PTPRS: variants seen among roughly 807,000 people sequenced by gnomAD.
The protein encoded by PTPRS is protein tyrosine phosphatase receptor type S.
PTPRS carries 63 observed loss-of-function variants against 215.3 expected under a neutral mutation model. The observed-to-expected ratio is 0.29, with a 90% CI of 0.24 to 0.36. The LOEUF is 0.36. Ranked by LOEUF, PTPRS falls within the 10% of genes least tolerant of loss-of-function variation. The probability of loss-of-function intolerance (pLI) is 1.00; values close to 1 mark genes in which losing one functional copy is unlikely to be tolerated. For synonymous variants in PTPRS, 1,404 were observed against 1,191.4 expected (o/e 1.18, Z -3.68); for missense variants, 2,258 against 2,825.8 (o/e 0.80, Z 4.56).
chr19:5,245,715 T>C (rs2044423996), intron 10 of PTPRS, 61 bp downstream of exon 10: 1 of 1,503,212 alleles, frequency 6.7e-7, no homozygotes, highest in Admixed American at 2.1e-5. Flanking sequence ...CACCTGTGCC[T>C]GAAGTCGGGG....
In PTPRS at chr19:5,265,029, G is replaced by A. The variant is rs770043743; in HGVS notation, c.547C>T (p.Arg183Cys). 1 of 1,614,054 alleles carries A rather than the reference G, an allele frequency of 6.2e-7. No homozygotes were observed. Among genetic ancestry groups the A allele is most frequent in the Non-Finnish European group, 8.5e-7 (1 of 1,179,980 alleles). The stretch of plus-strand genomic sequence containing the variant: ...TCACCTGATCGCAGCTGTTTGATGC[G>A]TCCATTGCTGGCACTAGGATCCACA... ...LPVDPSASNG[R>C]IKQLRSETFE... The change falls in exon 5 of 38, where the codon CGC becomes TGC. Residue 183 changes from arginine to cysteine, a missense_variant. By Grantham distance (180) the Arg-to-Cys change is radical. Around this residue, in one of 6 missense-constraint regions of PTPRS, gnomAD observed 508 missense variants for 799.4 expected, o/e 0.64. Coordinates refer to ENST00000262963, the MANE Select transcript of PTPRS (RefSeq NM_002850.4).
At chr19:5,235,287 A>G (rs952086666) in intron 13 of PTPRS, among the ~76,000 whole-genome samples, 2 of 152,056 alleles carry the variant, frequency 1.3e-5, no homozygotes, top group African/African-American at 4.8e-5. Context: ...GCATCGTGCT[A>G]AGGGCTTTAT....
intron 5 of PTPRS, among the ~76,000 whole-genome samples, chr19:5,263,362 T>G (rs548026057): frequency 3.9e-4 from 59 of 152,172 alleles, no homozygotes; most frequent in African/African-American, 1.3e-3. Context: ...ACGTCTGATC[T>G]TTTTGGGGCT....
Position 5,244,075 on chromosome 19 carries a change from T to C in PTPRS, c.1396A>G (p.Met466Val). Residue 466 changes from methionine to valine, a missense_variant, in exon 11 of 38, where the codon ATG becomes GTG. This residue lies in a region of PTPRS where 508 missense variants were observed against 799.4 expected (regional missense o/e 0.64). Transcript: ENST00000262963. The surrounding 1 kb of genome is among the most constrained non-coding windows in gnomAD (Gnocchi z 7.2). ...LIRGYRVYYT[M>V]EPEHPVGNWQ... ...TTGCCCACGGGGTGCTCCGGTTCCATGGTGTAGTAGACGCGGTAGCCGCGG... is the reference window on the plus strand; with the variant it reads ...TTGCCCACGGGGTGCTCCGGTTCCACGGTGTAGTAGACGCGGTAGCCGCGG... 6.2e-7 allele frequency: 1 copy of C among 1,610,850 alleles called. No individual in the cohort carries two copies.
At chr19:5,313,450 G>A (rs1428695243) in intron 1 of PTPRS, among the ~76,000 whole-genome samples, 1 of 152,236 alleles carries the variant, frequency 6.6e-6, no homozygotes, top group African/African-American at 2.4e-5. Flanking sequence ...GAAACCGGGT[G>A]CTGGGGAGCG....
intron 37 of PTPRS, 70 bp downstream of exon 37, chr19:5,207,852 G>A (rs2144914178): frequency 1.9e-6 from 3 of 1,580,274 alleles, no homozygotes; most frequent in Admixed American, 3.4e-5. Context: ...TCTCACAGAG[G>A]AGGAAACTGG....
chr19:5,285,079 G>A (rs1205506288), intron 2 of PTPRS, among the ~76,000 whole-genome samples: 1 of 152,212 alleles, frequency 6.6e-6, no homozygotes, highest in Non-Finnish European at 1.5e-5. Context: ...AGGATTGCCG[G>A]CCTGCTATGT....
chr19:5,294,163 G>T lies in PTPRS; in HGVS notation c.-94-7929C>A, dbSNP rs2147040429. 6.6e-6 allele frequency: 1 copy of T among 152,414 alleles called. No individual in the cohort carries two copies. Among genetic ancestry groups the T allele is most frequent in the South Asian group, 2.1e-4 (1 of 4,830 alleles). 9.4% of individuals were successfully genotyped at this position (152,414 alleles called of 1,614,324 possible). A position where few individuals can be genotyped will look rare whatever the true frequency, so the allele number is the denominator to read the frequency against. On this transcript the variant is annotated intron_variant, in intron 1 of 37. Transcript: ENST00000262963. The surrounding 1 kb of genome is among the most constrained non-coding windows in gnomAD (Gnocchi z 5.1). ...TCTTCCCAGCATTCGCGCTGAGGAC[G>T]AAGCCCGAACGCCAACGCCAACGGG...
chr19:5,206,669 C>A lies in PTPRS; in HGVS notation c.*105G>T, dbSNP rs2040389119. On this transcript the variant is annotated 3_prime_UTR_variant, in exon 38 of 38. Transcript: ENST00000262963. ...TGCAGAAACACAGCTGCTGCCGCTG[C>A]CACCTCCTGCCCTGCCCACTGGGGG... 1 of 946,872 alleles carries A rather than the reference C, an allele frequency of 1.1e-6. No homozygotes were observed. Among genetic ancestry groups the A allele is most frequent in the Non-Finnish European group, 1.7e-6 (1 of 604,568 alleles). The allele number at this position is 946,872 out of a possible 1,614,324, so 58.7% of individuals were successfully genotyped here. A position where few individuals can be genotyped will look rare whatever the true frequency, so the allele number is the denominator to read the frequency against.
intron 23 of PTPRS, chr19:5,219,034 C>T: frequency 1.6e-6 from 1 of 630,394 alleles, no homozygotes; most frequent in Non-Finnish European, 2.7e-6. Flanking sequence ...AATTGCTATC[C>T]TCATTGAACT....
Position 5,294,813 on chromosome 19 carries a change from T to C in PTPRS, c.-94-8579A>G, listed in dbSNP as rs568694206. On this transcript the variant is annotated intron_variant, in intron 1 of 37. Transcript: ENST00000262963. This position sits in a 1 kb window ranked among gnomAD's most constrained non-coding sequence, Gnocchi z 5.1. ...GCACAGTAGGTGGTCTGTGAGTGTC[T>C]GCACACAGGCTCCCTGCCTGCCCCT... The C allele has an allele frequency of 4.1e-4, 62 of 152,398 alleles. No individual in the cohort carries two copies. Among genetic ancestry groups the C allele is most frequent in the African/African-American group, 1.5e-3 (61 of 41,590 alleles). The allele number at this position is 152,398 out of a possible 1,614,324, so 9.4% of individuals were successfully genotyped here.
Position 5,223,118 on chromosome 19 carries a change from C to T in PTPRS, c.2674G>A (p.Ala892Thr), listed in dbSNP as rs765752538. The T allele has an allele frequency of 7.6e-6, 12 of 1,569,378 alleles. No individual in the cohort carries two copies. The highest frequency in any genetic ancestry group is 1.8e-5 in the Admixed American group (1 of 54,112). Residue 892 changes from alanine (A) to threonine (T), a missense_variant, in exon 18 of 38, where the codon GCA (alanine) becomes ACA (threonine). Coordinates refer to ENST00000262963, the MANE Select transcript of PTPRS (RefSeq NM_002850.4). ...GTGGCCCCCTTGTGCACGCCTGATG[C>T]CGTGTAGCGGTCCTCGGAGGGCGGG... ...EFPPSEDRYT[A>T]SGVHKGATYV... is the part of the protein sequence containing the mutation.
intron 1 of PTPRS, among the ~76,000 whole-genome samples, chr19:5,306,346 T>C (rs2049493338): frequency 6.6e-6 from 1 of 152,080 alleles, no homozygotes; most frequent in Non-Finnish European, 1.5e-5. Flanking sequence ...GGTTTCACCA[T>C]GTTGGCCAGG....
intron 1 of PTPRS, among the ~76,000 whole-genome samples, chr19:5,309,852 C>T (rs553999019): frequency 6.6e-6 from 1 of 152,012 alleles, no homozygotes; most frequent in South Asian, 2.1e-4. Flanking sequence ...CTGCTCTGGT[C>T]CCCCAGCGTC....
Position 5,224,816 on chromosome 19 carries a change from G to A in PTPRS, c.2494+911C>T, listed in dbSNP as rs912859995. On this transcript the variant is annotated intron_variant, in intron 17 of 37. Coordinates refer to ENST00000262963, the MANE Select transcript of PTPRS (RefSeq NM_002850.4). ...ATGCTGGAGGACGCAGACAAGGTGC[G>A]TGAAGGGAATAGTGTGGACAAGGGC... 3.9e-5 allele frequency among the ~76,000 whole-genome samples: 6 copies of A among 152,162 alleles called. No homozygotes were observed. In the East Asian group the frequency reaches 7.7e-4, roughly 20 times the overall value.
chr19:5,256,402 C>T (rs1412120638), intron 8 of PTPRS, among the ~76,000 whole-genome samples: 5 of 152,084 alleles, frequency 3.3e-5, no homozygotes, highest in Non-Finnish European at 5.9e-5. Context: ...ATCTAAGACC[C>T]AGGCAAAGAT....
intron 2 of PTPRS, among the ~76,000 whole-genome samples, chr19:5,276,604 G>C (rs967891281): frequency 6.8e-6 from 1 of 146,792 alleles, no homozygotes; most frequent in South Asian, 2.2e-4. Context: ...GCAGTGGTGC[G>C]ATCTCGGCTC....
chr19:5,236,843 CA>C (rs893745357), intron 13 of PTPRS, among the ~76,000 whole-genome samples: 3 of 81,302 alleles, frequency 3.7e-5, no homozygotes, highest in Admixed American at 3.1e-4. Flanking sequence ...AGGCAGGGAG[CA>C]GGGGGAAAAA....
At chr19:5,282,426 G>A (rs957755646) in intron 2 of PTPRS, among the ~76,000 whole-genome samples, 5 of 152,158 alleles carry the variant, frequency 3.3e-5, no homozygotes, top group South Asian at 2.1e-4. Flanking sequence ...GCTTGAGGGC[G>A]CCGCGCCTGC....
Sources: allele counts gnomAD v4.1 joint callset (sites outside exome capture counted in the v4.1 genomes callset), GRCh38; gene constraint gnomAD v4.1.1; regional missense constraint gnomAD v4.1.1; non-coding constraint Gnocchi (gnomAD v3.1); transcripts MANE v1.5; gene names NCBI Gene and HGNC (gene_info 2026-07-23, HGNC 2026-07-21).